GDPD5: variants seen among roughly 807,000 people sequenced by gnomAD.
GDPD5 encodes the protein glycerophosphodiester phosphodiesterase 2.
Under a neutral mutation model 75.1 loss-of-function variants are expected in GDPD5, and 48 were observed. That is an observed-to-expected ratio of 0.64 (90% CI 0.51 to 0.81). GDPD5 has a LOEUF of 0.81. GDPD5 is among the 40% of genes least tolerant of loss of function. The probability of loss-of-function intolerance (pLI) is 0.00; values close to 1 mark genes in which losing one functional copy is unlikely to be tolerated. For synonymous variants in GDPD5, 336 were observed against 339.0 expected (o/e 0.99, Z 0.10); for missense variants, 706 against 822.6 (o/e 0.86, Z 1.73).
intron 1 of GDPD5, among the ~76,000 whole-genome samples, chr11:75,500,548 C>T (rs370469931): frequency 6.6e-6 from 1 of 152,156 alleles, no homozygotes; most frequent in Non-Finnish European, 1.5e-5. Flanking sequence ...CCTAAGCCCC[C>T]TTTCCCTCCC....
chr11:75,449,817 G>T, intron 7 of GDPD5, 68 bp downstream of exon 7: 4 of 1,520,270 alleles, frequency 2.6e-6, no homozygotes, highest in Non-Finnish European at 3.6e-6. Flanking sequence ...TTTGGGCCTT[G>T]GTCTGGAGAA....
intron 1 of GDPD5, chr11:75,490,779 T>C (rs1592132079): frequency 1.3e-5 from 2 of 152,098 alleles, no homozygotes; most frequent in Non-Finnish European, 2.9e-5. Context: ...AGCCCGGAGG[T>C]GGGATCTGGG....
chr11:75,522,890 GA>G (rs1245958325), intron 1 of GDPD5, among the ~76,000 whole-genome samples: 2 of 152,088 alleles, frequency 1.3e-5, no homozygotes, highest in East Asian at 3.9e-4. Context: ...GAAGCCAAGG[GA>G]GGGGGTAAGA....
intron 1 of GDPD5, among the ~76,000 whole-genome samples, chr11:75,512,469 T>A (rs1300400206): frequency 6.6e-6 from 1 of 152,146 alleles, no homozygotes; most frequent in Non-Finnish European, 1.5e-5. Context: ...TCAAGCCGCG[T>A]CGGCATTCTC....
intron 4 of GDPD5, among the ~76,000 whole-genome samples, chr11:75,458,608 C>T (rs1160207308): frequency 6.6e-6 from 1 of 151,846 alleles, no homozygotes; most frequent in Non-Finnish European, 1.5e-5. Context: ...GGAGGCAGAG[C>T]TTGCAATGAG....
intron 6 of GDPD5, among the ~76,000 whole-genome samples, chr11:75,454,089 T>C (rs1949233733): frequency 6.6e-6 from 1 of 152,166 alleles, no homozygotes. Flanking sequence ...CAAGGATGAA[T>C]GACAAACTAG....
At chr11:75,475,262 G>C (rs1949753898) in intron 3 of GDPD5, among the ~76,000 whole-genome samples, 1 of 152,198 alleles carries the variant, frequency 6.6e-6, no homozygotes, top group South Asian at 2.1e-4. Flanking sequence ...AGGCTTCTCT[G>C]AGTTGGGAGA....
intron 1 of GDPD5, among the ~76,000 whole-genome samples, chr11:75,521,390 G>C (rs901282739): frequency 1.3e-5 from 2 of 152,140 alleles, no homozygotes; most frequent in African/African-American, 2.4e-5. Flanking sequence ...ATGCAGCTTG[G>C]CTCCCTGCTC....
At chr11:75,521,659 T>A (rs1941461218) in intron 1 of GDPD5, among the ~76,000 whole-genome samples, 1 of 152,224 alleles carries the variant, frequency 6.6e-6, no homozygotes, top group African/African-American at 2.4e-5. Flanking sequence ...TACTGCTGAA[T>A]GTTAAAGATT....
intron 2 of GDPD5, among the ~76,000 whole-genome samples, chr11:75,478,426 G>T (rs1486487342): frequency 6.6e-6 from 1 of 152,184 alleles, no homozygotes; most frequent in African/African-American, 2.4e-5. Flanking sequence ...GATGACAGGC[G>T]TGAGCCATGG....
intron 1 of GDPD5, chr11:75,517,570 CG>C (rs1248999349): frequency 6.6e-6 from 1 of 152,180 alleles, no homozygotes; most frequent in Non-Finnish European, 1.5e-5. Context: ...TGTGTGAGCC[CG>C]TAGTAAAACC....
chr11:75,466,763 C>T (rs773245857), intron 3 of GDPD5, among the ~76,000 whole-genome samples: 7 of 152,208 alleles, frequency 4.6e-5, no homozygotes, highest in Non-Finnish European at 1.0e-4. Flanking sequence ...ACATGGCGGG[C>T]GGGTGTGTCC....
intron 1 of GDPD5, among the ~76,000 whole-genome samples, chr11:75,498,495 C>T (rs1950251142): frequency 1.3e-5 from 2 of 151,570 alleles, no homozygotes; most frequent in South Asian, 4.2e-4. Context: ...TAAGCCTTGT[C>T]CCACCTCCTA....
At chr11:75,507,859 C>A (rs975214125) in intron 1 of GDPD5, among the ~76,000 whole-genome samples, 1 of 152,190 alleles carries the variant, frequency 6.6e-6, no homozygotes, top group Non-Finnish European at 1.5e-5. Flanking sequence ...ACAGAGCCTG[C>A]CAGTCATCAG....
At chr11:75,449,196 C>A in intron 8 of GDPD5, 74 bp from the exon 9 acceptor site, 1 of 1,500,808 alleles carries the variant, frequency 6.7e-7, no homozygotes, top group Non-Finnish European at 8.9e-7. Flanking sequence ...ACCCCTCTAC[C>A]CCCGACCTGT....
At chr11:75,502,045 A>G (rs921200949) in intron 1 of GDPD5, among the ~76,000 whole-genome samples, 45 of 152,314 alleles carry the variant, frequency 3.0e-4, no homozygotes, top group African/African-American at 1.0e-3. Flanking sequence ...TGGCTTCCTC[A>G]TGATGGTACT....
chr11:75,496,366 T>C (rs946596618), intron 1 of GDPD5, among the ~76,000 whole-genome samples: 11 of 152,114 alleles, frequency 7.2e-5, no homozygotes, highest in African/African-American at 2.4e-4. Context: ...AGGAAGCAAG[T>C]TGGGGAGGTG....
At chr11:75,495,585 G>A (rs528580110) in intron 1 of GDPD5, among the ~76,000 whole-genome samples, 17 of 152,252 alleles carry the variant, frequency 1.1e-4, no homozygotes, top group African/African-American at 3.9e-4. Context: ...ATCACTCGCA[G>A]TCAAATAAAA....
Position 75,497,451 on chromosome 11 carries a change from C to T in GDPD5, c.-144-7131G>A, listed in dbSNP as rs547287458. Reference sequence around the variant, plus strand: ...AACTTGTTTTCCTGACATTCACCTCCCCAACCTAGCCACTCCCTGCCTGCC... The same window carrying T: ...AACTTGTTTTCCTGACATTCACCTCTCCAACCTAGCCACTCCCTGCCTGCC... On this transcript the variant is annotated intron_variant, in intron 1 of 16. Transcript: ENST00000336898. Among the ~76,000 whole-genome samples the T allele has an allele frequency of 2.2e-4, 34 of 152,266 alleles. No individual in the cohort carries two copies. The Middle Eastern group carries it at 0.01, about 46-fold the overall frequency.
Sources: gnomAD v4.1 joint callset for allele counts (sites outside exome capture counted in the v4.1 genomes callset) on GRCh38, gnomAD v4.1.1 for gene constraint, MANE v1.5 for transcripts, NCBI Gene and HGNC (gene_info 2026-07-23, HGNC 2026-07-21) for gene names.